Variants in NPHP1 observed in about 807,000 individuals in gnomAD.
The protein encoded by NPHP1 is nephrocystin 1.
In NPHP1, 70 loss-of-function variants were observed where a neutral mutation model predicts 90.4. That is an observed-to-expected ratio of 0.77 (90% CI 0.64 to 0.95). The LOEUF is 0.95. NPHP1 is among the 40% of genes least tolerant of loss of function. The pLI is 0.00. For synonymous variants in NPHP1, 256 were observed against 271.7 expected, an observed-to-expected ratio of 0.94 and a Z score of 0.57; for missense variants, 764 against 795.9, an observed-to-expected ratio of 0.96 and a Z score of 0.48.
intron 16 of NPHP1, 46 bp from the exon 17 acceptor site, chr2:110,131,837 T>A: frequency 8.4e-7 from 1 of 1,185,416 alleles, no homozygotes; most frequent in Non-Finnish European, 1.2e-6. Context: ...TCCCCTACAA[T>A]CCAACTTATA....
chr2:110,144,353 A>C lies in NPHP1; in HGVS notation c.1429+140T>G, dbSNP rs1680861118. On this transcript the variant is annotated intron_variant, in intron 15 of 19. Transcript: ENST00000445609. ...GAAAATAAGTACTTAAAAATGATTA[A>C]AATTTTTATATCAAATGACATATTT... 46 of 649,820 alleles carry C rather than the reference A, an allele frequency of 7.1e-5. 1 individual carries two copies. The South Asian group carries it at 8.3e-4, about 12-fold the overall frequency. 40.3% of individuals were successfully genotyped at this position (649,820 alleles called of 1,614,324 possible).
At chr2:110,165,773 TA>T (rs1391599354) in intron 6 of NPHP1, among the ~76,000 whole-genome samples, 1 of 152,046 alleles carries the variant, frequency 6.6e-6, no homozygotes, top group Non-Finnish European at 1.5e-5. Context: ...AAGAGTTTTT[TA>T]AATCCCTTAG....
chr2:110,157,501 A>G (rs1681996335), intron 11 of NPHP1, among the ~76,000 whole-genome samples: 1 of 152,116 alleles, frequency 6.6e-6, no homozygotes, highest in Non-Finnish European at 1.5e-5. Flanking sequence ...GGTTAGCAGT[A>G]TACTCAGCAT....
intron 2 of NPHP1, among the ~76,000 whole-genome samples, chr2:110,186,714 C>A (rs1348483829): frequency 3.3e-5 from 5 of 152,112 alleles, no homozygotes; most frequent in African/African-American, 1.2e-4. Context: ...ACCCCACAGA[C>A]TGCAGTGCAC....
In NPHP1 at chr2:110,146,974, C is replaced by T. The variant is rs567757048; in HGVS notation, c.1270-139G>A. The T allele has an allele frequency of 5.5e-5, 38 of 690,482 alleles. 1 individual carries two copies. In the South Asian group the frequency reaches 6.3e-4, roughly 11 times the overall value. 42.8% of individuals were successfully genotyped at this position (690,482 alleles called of 1,614,324 possible). A position where few individuals can be genotyped will look rare whatever the true frequency, so the allele number is the denominator to read the frequency against. Reference sequence around the variant, plus strand: ...TTCTTCACAAGAAAATAAAATGAAACACAGTAGAATCTCATTTTGCCTGCG... The same window carrying T: ...TTCTTCACAAGAAAATAAAATGAAATACAGTAGAATCTCATTTTGCCTGCG... On this transcript the variant is annotated intron_variant, in intron 13 of 19. Coordinates refer to ENST00000445609, the MANE Select transcript of NPHP1 (RefSeq NM_001128178.3).
At position 110,178,332 on chromosome 2, in the gene NPHP1, T is replaced by C; in HGVS notation, c.329+91A>G. 1.6e-6 allele frequency: 2 copies of C among 1,229,176 alleles called. 1 individual carries two copies. The highest frequency in any genetic ancestry group is 2.4e-5 in the South Asian group (2 of 82,736). 76.1% of individuals were successfully genotyped at this position (1,229,176 alleles called of 1,614,324 possible). ...CTATTGTTAGTGTCATTTGTTTATA[T>C]CTATACTGCTATATGTCTTTGAGTT... On this transcript the variant is annotated intron_variant, in intron 4 of 19. Transcript: ENST00000445609.
chr2:110,195,076 C>T (rs1685058050), intron 2 of NPHP1, among the ~76,000 whole-genome samples: 1 of 152,092 alleles, frequency 6.6e-6, no homozygotes, highest in Non-Finnish European at 1.5e-5. Flanking sequence ...AAACTGGAAG[C>T]ATTCCCTTTG....
chr2:110,166,754 G>A (rs1682755535), intron 6 of NPHP1, among the ~76,000 whole-genome samples: 1 of 152,128 alleles, frequency 6.6e-6, no homozygotes, highest in Admixed American at 6.6e-5. Flanking sequence ...GACAGTGGAT[G>A]CTAATCCCAT....
intron 9 of NPHP1, 119 bp downstream of exon 9, chr2:110,162,929 C>T (rs1682449878): frequency 1.4e-6 from 1 of 739,554 alleles, no homozygotes; most frequent in South Asian, 1.5e-5. Context: ...AGATGAGCAC[C>T]AAAGAGATGT....
intron 16 of NPHP1, among the ~76,000 whole-genome samples, chr2:110,132,898 C>T (rs971002349): frequency 4.6e-5 from 7 of 151,650 alleles, no homozygotes; most frequent in Non-Finnish European, 8.8e-5. Flanking sequence ...AAGAAAATAA[C>T]TATAGAATAT....
chr2:110,204,451 A>T (rs1438184335), intron 1 of NPHP1, among the ~76,000 whole-genome samples: 1 of 152,112 alleles, frequency 6.6e-6, no homozygotes, highest in Admixed American at 6.5e-5. Context: ...ATTTCGCTTG[A>T]GTTCACGGAG....
chr2:110,139,409 A>G (rs1423354712), intron 16 of NPHP1, among the ~76,000 whole-genome samples: 1 of 152,174 alleles, frequency 6.6e-6, no homozygotes, highest in Non-Finnish European at 1.5e-5. Flanking sequence ...GTGAAACTGA[A>G]GCATCTATTT....
chr2:110,135,888 A>G (rs1463382666), intron 16 of NPHP1, among the ~76,000 whole-genome samples: 2 of 152,182 alleles, frequency 1.3e-5, no homozygotes, highest in African/African-American at 4.8e-5. Flanking sequence ...AGAGAACAGG[A>G]TGAATGTGAC....
At chr2:110,163,792 C>G (rs547336100) in intron 8 of NPHP1, 1 of 155,318 alleles carries the variant, frequency 6.4e-6, no homozygotes, top group African/African-American at 2.4e-5. Context: ...TCCCCAGGAG[C>G]TGGGACTACA....
intron 2 of NPHP1, chr2:110,184,992 T>C (rs1684184110): frequency 1.6e-6 from 1 of 621,596 alleles, no homozygotes; most frequent in South Asian, 1.4e-5. Context: ...GGCTCTACCT[T>C]GTTCAAAGGT....
intron 10 of NPHP1, among the ~76,000 whole-genome samples, chr2:110,161,020 C>G (rs542136125): frequency 2.0e-5 from 3 of 151,956 alleles, no homozygotes; most frequent in South Asian, 2.1e-4. Flanking sequence ...ACAAAAATTA[C>G]CTGGGCATGG....
chr2:110,127,110 C>T (rs893593603), intron 18 of NPHP1: 1 of 152,192 alleles, frequency 6.6e-6, no homozygotes. Context: ...CAGAAGTGGC[C>T]CAGGCCCCTT....
chr2:110,153,955 C>T (rs1681690639), intron 11 of NPHP1, among the ~76,000 whole-genome samples: 1 of 150,822 alleles, frequency 6.6e-6, no homozygotes, highest in Non-Finnish European at 1.5e-5. Context: ...TGCACTCCAG[C>T]CTGGGTGACA....
intron 11 of NPHP1, among the ~76,000 whole-genome samples, chr2:110,153,697 G>A (rs1295376314): frequency 6.6e-6 from 1 of 152,026 alleles, no homozygotes; most frequent in East Asian, 1.9e-4. Context: ...AAATGTTCAA[G>A]TGGGGCGGGT....
Sources: gnomAD v4.1 joint callset for allele counts (sites outside exome capture counted in the v4.1 genomes callset) on GRCh38, gnomAD v4.1.1 for gene constraint, MANE v1.5 for transcripts, NCBI Gene and HGNC (gene_info 2026-07-23, HGNC 2026-07-21) for gene names.